Variants in HTR3B observed in about 807,000 individuals in gnomAD.
The protein encoded by HTR3B is 5-hydroxytryptamine receptor 3B, also known as 5-hydroxytryptamine (serotonin) receptor 3B, ionotropic.
A neutral mutation model predicts 42.8 loss-of-function variants in HTR3B; 44 were observed. That is an observed-to-expected ratio of 1.03 (90% CI 0.81 to 1.32). HTR3B has a LOEUF of 1.32. Among genes scored for constraint, HTR3B ranks in the 40% most tolerant of loss-of-function variants. The pLI is 0.00. For synonymous variants in HTR3B, 203 were observed against 209.0 expected, an observed-to-expected ratio of 0.97 and a Z score of 0.25; for missense variants, 527 against 536.5, an observed-to-expected ratio of 0.98 and a Z score of 0.17.
chr11:113,933,675 T>C (rs909330396), intron 6 of HTR3B, among the ~76,000 whole-genome samples: 1 of 152,116 alleles, frequency 6.6e-6, no homozygotes, highest in Non-Finnish European at 1.5e-5. Flanking sequence ...GATGCAGCCC[T>C]TGGCTGCATT....
At chr11:113,900,644 C>T (rs185113512), upstream of HTR3B, among the ~76,000 whole-genome samples, 68 of 152,232 alleles carry the variant, frequency 4.5e-4, no homozygotes, top group Admixed American at 1.4e-3. Flanking sequence ...CAGGCATGGG[C>T]CACCATGCCC....
At chr11:113,938,314 AG>A (rs1373800172) in intron 6 of HTR3B, among the ~76,000 whole-genome samples, 1 of 152,130 alleles carries the variant, frequency 6.6e-6, no homozygotes, top group African/African-American at 2.4e-5. Flanking sequence ...CATCCCCCAA[AG>A]TTTAACCCAG....
Position 113,932,395 on chromosome 11 carries a change from A to T in HTR3B, c.475A>T (p.Thr159Ser), listed in dbSNP as rs764976973. 6.2e-7 allele frequency: 1 copy of T among 1,614,100 alleles called. No individual in the cohort carries two copies. Residue 159 changes from threonine to serine, a missense_variant, in exon 5 of 9, where the codon ACA (threonine) becomes TCA (serine). By Grantham distance (58) the Thr-to-Ser change is moderately conservative. Transcript: ENST00000260191. ...IQVVSACSLE[T>S]YAFPFDVQNC... ...GGTGGTCTCTGCGTGCAGTTTAGAG[A>T]CATATGCTTTTCCATTTGATGTCCA...
At chr11:113,916,320 G>A (rs1221799432) in intron 2 of HTR3B, among the ~76,000 whole-genome samples, 1 of 152,024 alleles carries the variant, frequency 6.6e-6, no homozygotes, top group Non-Finnish European at 1.5e-5. Context: ...TTTAAAGTTG[G>A]GCTGTTTATT....
Position 113,948,497 on chromosome 11 carries a change from G to A in HTR3B, c.*2360G>A, listed in dbSNP as rs1565570779. ...TCAACTTACCTTATTTGAAATTGGG[G>A]CTGTTTATATTTGCTCTACCCCTAT... On this transcript the variant is annotated 3_prime_UTR_variant, in exon 9 of 9. Transcript: ENST00000260191. Among the ~76,000 whole-genome samples the A allele has an allele frequency of 1.3e-5, 2 of 152,208 alleles. No homozygotes were observed. The highest frequency in any genetic ancestry group is 4.8e-5 in the African/African-American group (2 of 41,452).
intron 2 of HTR3B, among the ~76,000 whole-genome samples, chr11:113,915,175 T>C (rs938181277): frequency 1.3e-5 from 2 of 152,032 alleles, no homozygotes; most frequent in Non-Finnish European, 2.9e-5. Context: ...GAGCCAACTT[T>C]GGGCTTTGTA....
intron 1 of HTR3B, among the ~76,000 whole-genome samples, chr11:113,906,992 T>C (rs1208172497): frequency 6.6e-6 from 1 of 152,194 alleles, no homozygotes; most frequent in East Asian, 1.9e-4. Flanking sequence ...TACAGATACA[T>C]AGTGACTAAA....
At chr11:113,933,484 A>AT (rs201659847) in intron 6 of HTR3B, among the ~76,000 whole-genome samples, 92 of 148,722 alleles carry the variant, frequency 6.2e-4, no homozygotes, top group South Asian at 5.7e-3. Flanking sequence ...TTATTGTCCT[A>AT]TTTTTTTTTT....
chr11:113,938,505 C>T (rs1950108820), intron 6 of HTR3B, among the ~76,000 whole-genome samples: 1 of 151,360 alleles, frequency 6.6e-6, no homozygotes, highest in South Asian at 2.1e-4. Context: ...AATCTGCTGC[C>T]TGATCCTACA....
At chr11:113,942,895 C>A in intron 6 of HTR3B, 87 bp from the exon 7 acceptor site, 1 of 1,098,940 alleles carries the variant, frequency 9.1e-7, no homozygotes, top group Non-Finnish European at 1.4e-6. Flanking sequence ...GTTGGGTCTT[C>A]GGGGAGAATT....
At chr11:113,926,592 G>A (rs1423673824) in intron 2 of HTR3B, among the ~76,000 whole-genome samples, 1 of 149,708 alleles carries the variant, frequency 6.7e-6, no homozygotes, top group Admixed American at 6.8e-5. Flanking sequence ...GCAGTGGCAC[G>A]ATCTTGGCTC....
intron 2 of HTR3B, 43 bp from the exon 3 acceptor site, chr11:113,931,341 T>C (rs1171507968): frequency 6.8e-7 from 1 of 1,468,370 alleles, no homozygotes; most frequent in East Asian, 2.3e-5. Context: ...TTTGATTTAT[T>C]GACATTCTAA....
At chr11:113,935,185 T>A (rs1168454535) in intron 6 of HTR3B, among the ~76,000 whole-genome samples, 1 of 140,820 alleles carries the variant, frequency 7.1e-6, no homozygotes, top group Non-Finnish European at 1.6e-5. Flanking sequence ...TTAATTATGA[T>A]GAACAGAGAC....
At position 113,931,884 on chromosome 11, in the gene HTR3B, G is replaced by C. The variant is rs1217031157; in HGVS notation, c.368+17G>C. The C allele has an allele frequency of 1.5e-6, 2 of 1,364,054 alleles. No homozygotes were observed. The highest frequency in any genetic ancestry group is 4.6e-5 in the East Asian group (2 of 43,714). The allele number at this position is 1,364,054 out of a possible 1,614,324, so 84.5% of individuals were successfully genotyped here. A position where few individuals can be genotyped will look rare whatever the true frequency, so the allele number is the denominator to read the frequency against. ...CAATGAGTTGTAAGTGTGCCAGTGT[G>C]TATTTCTGTGGGGTTTAGACTGCTT... On this transcript the variant is annotated intron_variant, in intron 4 of 8. Transcript: ENST00000260191.
At chr11:113,944,517 A>ATCTGATGC in intron 7 of HTR3B, 56 bp from the exon 8 acceptor site, 11 of 1,572,276 alleles carry the variant, frequency 7.0e-6, no homozygotes, top group Middle Eastern at 1.7e-4. Flanking sequence ...AAACAAAAAA[A>ATCTGATGC]TCTGATGCTG....
At chr11:113,945,806 C>G (rs1950172078) in intron 8 of HTR3B, 96 bp from the exon 9 acceptor site, 1 of 863,672 alleles carries the variant, frequency 1.2e-6, no homozygotes. Context: ...TCACCTGCAA[C>G]TTTCCTTGAA....
chr11:113,938,126 A>T (rs192523299), intron 6 of HTR3B, among the ~76,000 whole-genome samples: 17 of 151,544 alleles, frequency 1.1e-4, no homozygotes, highest in Admixed American at 9.9e-4. Context: ...GGCCCACTCT[A>T]CTCCAGTATG....
rs1261013161 is a variant in HTR3B, at chr11:113,942,967, C to T, written c.697-15C>T. 6.2e-7 allele frequency: 1 copy of T among 1,612,896 alleles called. No individual in the cohort carries two copies. The highest frequency in any genetic ancestry group is 1.7e-5 in the Admixed American group (1 of 60,010). On this transcript the variant is annotated splice_polypyrimidine_tract_variant and intron_variant, in intron 6 of 8. Transcript: ENST00000260191. ...CCTAGATCCTCTTTTCATCAGACCA[C>T]TTGTTCCCGGCCAGGTGGTGATGCG...
intron 6 of HTR3B, among the ~76,000 whole-genome samples, chr11:113,937,035 C>T (rs1413119700): frequency 6.6e-6 from 1 of 152,138 alleles, no homozygotes; most frequent in Non-Finnish European, 1.5e-5. Flanking sequence ...ATTGCTAACA[C>T]CTGAAGGGTG....
Sources: gnomAD v4.1 joint callset for allele counts (sites outside exome capture counted in the v4.1 genomes callset) on GRCh38, gnomAD v4.1.1 for gene constraint, MANE v1.5 for transcripts, NCBI Gene and HGNC (gene_info 2026-07-23, HGNC 2026-07-21) for gene names.